The following FRMD4A variants were observed in gnomAD, a reference collection of about 807,000 sequenced individuals.
FRMD4A encodes FERM domain-containing protein 4A.
In FRMD4A, 29 loss-of-function variants were observed where a neutral mutation model predicts 129.1. That is an observed-to-expected ratio of 0.22 (90% CI 0.17 to 0.31). The LOEUF (loss-of-function observed/expected upper bound fraction) is 0.31, where lower values mean the gene tolerates loss of function less well. Ranked by LOEUF, FRMD4A falls within the 10% of genes least tolerant of loss-of-function variation. The pLI is 1.00. For synonymous variants in FRMD4A, 634 were observed against 571.6 expected (o/e 1.11, Z -1.56); for missense variants, 1,272 against 1,375.8 (o/e 0.92, Z 1.19).
intron 22 of FRMD4A, chr10:13,655,819 G>A (rs1247166462): frequency 6.6e-6 from 1 of 152,114 alleles, no homozygotes; most frequent in Non-Finnish European, 1.5e-5. Context: ...TCTCCTCAGT[G>A]TCCCTCTCTG....
chr10:14,014,341 C>T (rs1044805466), intron 2 of FRMD4A, among the ~76,000 whole-genome samples: 2 of 152,142 alleles, frequency 1.3e-5, no homozygotes, highest in African/African-American at 4.8e-5. Flanking sequence ...ATATCACACG[C>T]CCCCCATTAA....
At chr10:14,032,033 C>T (rs1833271917) in intron 2 of FRMD4A, among the ~76,000 whole-genome samples, 1 of 152,150 alleles carries the variant, frequency 6.6e-6, no homozygotes, top group Non-Finnish European at 1.5e-5. Context: ...ACCCTGAACT[C>T]CCAGACTCAA....
chr10:14,318,396 C>T lies in FRMD4A; in HGVS notation c.45+11662G>A, dbSNP rs369256135. ...ACAAGTTATTAGTCCCAAGGCCAAG[C>T]ATGTAAAGGAAAAAAACATTATTGC... On this transcript the variant is annotated intron_variant, in intron 2 of 24. Transcript: ENST00000357447. Among the ~76,000 whole-genome samples the T allele has an allele frequency of 6.1e-4, 92 of 150,112 alleles. No individual in the cohort carries two copies. The South Asian group carries it at 0.018, about 30-fold the overall frequency.
At chr10:13,992,064 A>T (rs1350216612) in intron 2 of FRMD4A, 1 of 152,210 alleles carries the variant, frequency 6.6e-6, no homozygotes, top group Non-Finnish European at 1.5e-5. Flanking sequence ...TATAAAAAGC[A>T]CTGAATAACA....
At chr10:14,288,941 C>A (rs1381803485) in intron 2 of FRMD4A, among the ~76,000 whole-genome samples, 1 of 152,164 alleles carries the variant, frequency 6.6e-6, no homozygotes, top group Non-Finnish European at 1.5e-5. Context: ...CATGTTGTTG[C>A]ATATGACAGG....
At chr10:14,087,956 C>T (rs578112630) in intron 2 of FRMD4A, among the ~76,000 whole-genome samples, 1 of 152,098 alleles carries the variant, frequency 6.6e-6, no homozygotes, top group Non-Finnish European at 1.5e-5. Context: ...AAATTATTAT[C>T]GGGGGTTGTT....
At chr10:13,706,985 C>T (rs1484623861) in intron 13 of FRMD4A, 52 bp downstream of exon 13, 11 of 927,096 alleles carry the variant, frequency 1.2e-5, no homozygotes, top group East Asian at 4.8e-5. Flanking sequence ...ATCCATAACA[C>T]GCCCGGCCGA....
intron 2 of FRMD4A, among the ~76,000 whole-genome samples, chr10:13,912,467 T>C (rs886194033): frequency 6.6e-6 from 1 of 151,336 alleles, no homozygotes; most frequent in Non-Finnish European, 1.5e-5. Flanking sequence ...AGAAACTAAA[T>C]GTCCATCCGC....
intron 2 of FRMD4A, among the ~76,000 whole-genome samples, chr10:14,286,889 G>A (rs1297242555): frequency 6.6e-6 from 1 of 152,062 alleles, no homozygotes; most frequent in Admixed American, 6.6e-5. Context: ...CAAACATTAG[G>A]AATCTCGTTG....
chr10:13,982,078 C>T (rs1052998451), intron 2 of FRMD4A, among the ~76,000 whole-genome samples: 36 of 152,176 alleles, frequency 2.4e-4, no homozygotes, highest in African/African-American at 8.0e-4. Context: ...ATCCCTCTTC[C>T]CCAAGGTGGT....
chr10:13,943,293 G>A (rs2131314541), intron 2 of FRMD4A, among the ~76,000 whole-genome samples: 1 of 152,236 alleles, frequency 6.6e-6, no homozygotes, highest in South Asian at 2.1e-4. Context: ...ACCCAGGCCT[G>A]GTGGGAGGTT....
intron 2 of FRMD4A, among the ~76,000 whole-genome samples, chr10:14,102,519 T>C (rs918797088): frequency 1.3e-5 from 2 of 152,200 alleles, no homozygotes; most frequent in Non-Finnish European, 2.9e-5. Context: ...TGCACAGGTA[T>C]GTCAGGGTGC....
chr10:13,836,704 C>G (rs1476750933), intron 3 of FRMD4A, among the ~76,000 whole-genome samples: 2 of 150,778 alleles, frequency 1.3e-5, no homozygotes, highest in Non-Finnish European at 2.9e-5. Flanking sequence ...CAAGGAGGGC[C>G]TGGAAAGACT....
chr10:13,674,300 G>T (rs905484431), intron 16 of FRMD4A, among the ~76,000 whole-genome samples: 2 of 152,130 alleles, frequency 1.3e-5, no homozygotes, highest in Non-Finnish European at 2.9e-5. Context: ...GAGGATGGTG[G>T]CCAGCCATTA....
intron 2 of FRMD4A, among the ~76,000 whole-genome samples, chr10:13,982,883 T>G (rs928229140): frequency 6.6e-6 from 1 of 152,214 alleles, no homozygotes; most frequent in Non-Finnish European, 1.5e-5. Flanking sequence ...GGCAAAGATT[T>G]CTCCTCGCCC....
intron 2 of FRMD4A, among the ~76,000 whole-genome samples, chr10:14,306,877 G>A (rs1156347762): frequency 6.6e-6 from 1 of 152,194 alleles, no homozygotes; most frequent in African/African-American, 2.4e-5. Context: ...AGCAATTTTA[G>A]TGTGTATGGG....
chr10:13,689,683 G>T (rs2134807974), intron 15 of FRMD4A, among the ~76,000 whole-genome samples: 1 of 151,358 alleles, frequency 6.6e-6, no homozygotes, highest in African/African-American at 2.4e-5. Flanking sequence ...CTCCCAAGTA[G>T]TGGGAAATAT....
chr10:13,751,472 T>A (rs1196262991), intron 8 of FRMD4A, among the ~76,000 whole-genome samples: 1 of 152,184 alleles, frequency 6.6e-6, no homozygotes, highest in Non-Finnish European at 1.5e-5. Flanking sequence ...CTTAGGGGTG[T>A]CTAGCCCTGT....
chr10:13,925,296 A>G (rs1395007547), intron 2 of FRMD4A, among the ~76,000 whole-genome samples: 1 of 152,140 alleles, frequency 6.6e-6, no homozygotes, highest in African/African-American at 2.4e-5. Flanking sequence ...AGATGGAGAT[A>G]TACATTAAAC....
Sources: allele counts gnomAD v4.1 joint callset (sites outside exome capture counted in the v4.1 genomes callset), GRCh38; gene constraint gnomAD v4.1.1; transcripts MANE v1.5; gene names NCBI Gene and HGNC (gene_info 2026-07-23, HGNC 2026-07-21).